The following CHST11 variants were observed in gnomAD, a reference collection of about 807,000 sequenced individuals.
The protein encoded by CHST11 is carbohydrate sulfotransferase 11, also known as C4S-1.
A neutral mutation model predicts 30.4 loss-of-function variants in CHST11; 9 were observed. The observed-to-expected ratio is 0.30, with a 90% CI of 0.18 to 0.52. The LOEUF (loss-of-function observed/expected upper bound fraction) is 0.52, where lower values mean the gene tolerates loss of function less well. Ranked by LOEUF, CHST11 falls within the 20% of genes least tolerant of loss-of-function variation. CHST11 has a pLI of 0.97. For missense variants in CHST11, 348 were observed against 460.6 expected (o/e 0.76, Z 2.24); for synonymous variants, 152 against 187.8 (o/e 0.81, Z 1.56).
At chr12:104,747,227 G>A (rs992457337) in intron 2 of CHST11, among the ~76,000 whole-genome samples, 7 of 152,192 alleles carry the variant, frequency 4.6e-5, no homozygotes, top group Non-Finnish European at 7.3e-5. Context: ...CTCCCGGGTG[G>A]GTCTCCAGAC....
At chr12:104,614,693 T>TTGTGTGTG (rs3039184) in intron 2 of CHST11, among the ~76,000 whole-genome samples, 1,740 of 148,910 alleles carry the variant, frequency 0.012, 56 homozygotes, top group East Asian at 0.11. Flanking sequence ...GCATGCATGC[T>TTGTGTGTG]TGTGTGTGTG....
chr12:104,499,265 G>T (rs2037829507), intron 1 of CHST11, among the ~76,000 whole-genome samples: 1 of 152,196 alleles, frequency 6.6e-6, no homozygotes, highest in African/African-American at 2.4e-5. Context: ...GAGGCCAAGG[G>T]GTAGGAGTGT....
Position 104,758,000 on chromosome 12 carries a change from C to T in CHST11, c.*197C>T. On this transcript the variant is annotated 3_prime_UTR_variant, in exon 3 of 3. Transcript: ENST00000303694. This position sits in a 1 kb window ranked among gnomAD's most constrained non-coding sequence, Gnocchi z 6.5. ...TGCAGGGGAAATAGGATGGGTCGTC[C>T]TTGTCTGTAGAAGTGAATACTGCAA... The T allele has an allele frequency of 1.6e-6, 1 of 614,234 alleles. No homozygotes were observed. The highest frequency in any genetic ancestry group is 2.8e-6 in the Non-Finnish European group (1 of 360,670). The allele number at this position is 614,234 out of a possible 1,614,324, so 38.0% of individuals were successfully genotyped here. A position where few individuals can be genotyped will look rare whatever the true frequency, so the allele number is the denominator to read the frequency against.
intron 1 of CHST11, among the ~76,000 whole-genome samples, chr12:104,592,012 C>A (rs1477429115): frequency 6.6e-6 from 1 of 151,810 alleles, no homozygotes; most frequent in Non-Finnish European, 1.5e-5. Flanking sequence ...CACCTTCTAT[C>A]CTGCACGTCC....
intron 1 of CHST11, among the ~76,000 whole-genome samples, chr12:104,472,835 A>G (rs2037524082): frequency 6.6e-6 from 1 of 151,920 alleles, no homozygotes; most frequent in South Asian, 2.1e-4. Context: ...CTTCCAGGGA[A>G]AGTTGAGGTT....
At chr12:104,471,388 A>T (rs1205278942) in intron 1 of CHST11, among the ~76,000 whole-genome samples, 4 of 152,192 alleles carry the variant, frequency 2.6e-5, no homozygotes, top group African/African-American at 9.6e-5. Flanking sequence ...GGAATTTTCA[A>T]TGCTGATTTG....
chr12:104,528,154 C>G (rs1004378376), intron 1 of CHST11, among the ~76,000 whole-genome samples: 1 of 152,100 alleles, frequency 6.6e-6, no homozygotes, highest in East Asian at 1.9e-4. Context: ...TGGTTATGTC[C>G]GTGATAACAC....
chr12:104,485,865 G>A (rs2037672344), intron 1 of CHST11, among the ~76,000 whole-genome samples: 1 of 152,204 alleles, frequency 6.6e-6, no homozygotes, highest in Non-Finnish European at 1.5e-5. Context: ...TCCCTTCAGG[G>A]CCCCTTGGGT....
intron 1 of CHST11, among the ~76,000 whole-genome samples, chr12:104,472,470 C>T (rs980002736): frequency 1.3e-5 from 2 of 152,114 alleles, no homozygotes; most frequent in African/African-American, 2.4e-5. Context: ...GTTAATCAGT[C>T]GCTATCTGAA....
intron 2 of CHST11, among the ~76,000 whole-genome samples, chr12:104,645,413 A>AG (rs948072079): frequency 1.3e-5 from 2 of 152,132 alleles, no homozygotes; most frequent in African/African-American, 2.4e-5. Flanking sequence ...ACAGAGAGCC[A>AG]GGGGGCTGGG....
intron 2 of CHST11, among the ~76,000 whole-genome samples, chr12:104,706,945 G>C (rs1394816236): frequency 6.6e-6 from 1 of 152,152 alleles, no homozygotes; most frequent in African/African-American, 2.4e-5. Context: ...TCTGAATTGA[G>C]GTCCATTTCC....
At position 104,729,050 on chromosome 12, in the gene CHST11, A is replaced by C. The variant is rs1199915271; in HGVS notation, c.205-27899A>C. Among the ~76,000 whole-genome samples the C allele has an allele frequency of 6.6e-6, 1 of 152,184 alleles. No individual in the cohort carries two copies. The highest frequency in any genetic ancestry group is 1.5e-5 in the Non-Finnish European group (1 of 68,022). On this transcript the variant is annotated intron_variant, in intron 2 of 2. Transcript: ENST00000303694. This position sits in a 1 kb window ranked among gnomAD's most constrained non-coding sequence, Gnocchi z 4.0. ...AATTACCTCTGGTTAATGGGAATTT[A>C]GGGGAATTTTATTTTCGTGTTATTG... is the stretch of plus-strand genomic sequence containing the variant.
chr12:104,678,482 G>A (rs1048508592), intron 2 of CHST11, among the ~76,000 whole-genome samples: 1 of 152,286 alleles, frequency 6.6e-6, no homozygotes, highest in Middle Eastern at 3.4e-3. Context: ...TAAATGTTTT[G>A]CATGATTTAA....
chr12:104,529,360 G>A (rs1027589252), intron 1 of CHST11, among the ~76,000 whole-genome samples: 1 of 152,200 alleles, frequency 6.6e-6, no homozygotes, highest in African/African-American at 2.4e-5. Flanking sequence ...TACTTTGAGA[G>A]CTCAGACAAG....
intron 1 of CHST11, among the ~76,000 whole-genome samples, chr12:104,528,622 T>C (rs2038151411): frequency 6.6e-6 from 1 of 152,220 alleles, no homozygotes; most frequent in African/African-American, 2.4e-5. Context: ...GGAGGAGTTT[T>C]CCAAGATGTT....
chr12:104,556,016 G>C (rs936495688), intron 1 of CHST11, among the ~76,000 whole-genome samples: 1 of 152,188 alleles, frequency 6.6e-6, no homozygotes, highest in East Asian at 1.9e-4. Flanking sequence ...ACACTTGACC[G>C]AGGCAGCTCC....
chr12:104,713,351 A>G (rs2040103463), intron 2 of CHST11, among the ~76,000 whole-genome samples: 1 of 152,000 alleles, frequency 6.6e-6, no homozygotes, highest in Non-Finnish European at 1.5e-5. Context: ...TGTATTTGTG[A>G]GATGGAGCCC....
In CHST11 at chr12:104,755,222, T is replaced by C. The variant is rs550977446; in HGVS notation, c.205-1727T>C. Among the ~76,000 whole-genome samples the C allele has an allele frequency of 3.9e-5, 6 of 152,298 alleles. No individual in the cohort carries two copies. The South Asian group carries it at 8.3e-4, about 21-fold the overall frequency. On this transcript the variant is annotated intron_variant, in intron 2 of 2. Transcript: ENST00000303694. ...CTTGGGTTGCACTCAAGTCCTAGGC[T>C]CTACTGACTTGGCTGTCCAGGTGAC...
chr12:104,718,434 G>A (rs541492400), intron 2 of CHST11, among the ~76,000 whole-genome samples: 36 of 152,328 alleles, frequency 2.4e-4, no homozygotes, highest in Middle Eastern at 3.4e-3. Flanking sequence ...GCTTAGATAC[G>A]GAGACTGAGG....
Sources: gnomAD v4.1 joint callset for allele counts (sites outside exome capture counted in the v4.1 genomes callset) on GRCh38, gnomAD v4.1.1 for gene constraint, Gnocchi (gnomAD v3.1) non-coding constraint, MANE v1.5 for transcripts, NCBI Gene and HGNC (gene_info 2026-07-23, HGNC 2026-07-21) for gene names.